VPS37B: variants seen among roughly 807,000 people sequenced by gnomAD.
VPS37B encodes vacuolar protein sorting-associated protein 37B.
In VPS37B, 11 loss-of-function variants were observed where a neutral mutation model predicts 21.2. The observed-to-expected ratio is 0.52, with a 90% confidence interval of 0.33 to 0.86. The LOEUF is 0.86. Ranked by LOEUF, VPS37B falls within the 40% of genes least tolerant of loss-of-function variation. The pLI, the probability that VPS37B is intolerant of heterozygous loss-of-function variation, is 0.03. For missense variants in VPS37B, 389 were observed against 374.8 expected (o/e 1.04, Z -0.31); for synonymous variants, 175 against 159.6 (o/e 1.10, Z -0.73).
chr12:122,874,172 C>T (rs1406528503), intron 1 of VPS37B: 1 of 152,266 alleles, frequency 6.6e-6, no homozygotes, highest in African/African-American at 2.4e-5. Context: ...TCCCACGCAA[C>T]CACTTGAAAG....
chr12:122,885,677 ATTATT>A (rs1353302411), intron 1 of VPS37B: 4 of 49,864 alleles, frequency 8.0e-5, no homozygotes, highest in African/African-American at 2.4e-4. Context: ...CATTATTATT[ATTATT>A]TTTTTTTTTT....
At chr12:122,869,014 G>A (rs2033966950) in intron 2 of VPS37B, among the ~76,000 whole-genome samples, 1 of 152,138 alleles carries the variant, frequency 6.6e-6, no homozygotes, top group Non-Finnish European at 1.5e-5. Context: ...GAGGAGGTCC[G>A]CCTGGTCTTG....
At chr12:122,888,206 C>T (rs1222556878) in intron 1 of VPS37B, 1 of 177,454 alleles carries the variant, frequency 5.6e-6, no homozygotes, top group South Asian at 9.3e-5. Context: ...TAATGGACTA[C>T]GTTCCTCACA....
chr12:122,890,380 G>A (rs1457858139), intron 1 of VPS37B, among the ~76,000 whole-genome samples: 1 of 150,686 alleles, frequency 6.6e-6, no homozygotes, highest in Admixed American at 6.6e-5. Flanking sequence ...CACCCAGGCT[G>A]AAGTGCAGTG....
chr12:122,866,383 A>G lies in VPS37B; in HGVS notation c.*733T>C, dbSNP rs2033900132. 6.6e-6 allele frequency: 1 copy of G among 152,592 alleles called. No individual in the cohort carries two copies. Among genetic ancestry groups the G allele is most frequent in the African/African-American group, 2.4e-5 (1 of 41,468 alleles). 9.5% of individuals were successfully genotyped at this position (152,592 alleles called of 1,614,324 possible). ...CACGTAGTAAAAATATTGGGGGATT[A>G]TTTCTTCATAGAAACCTTCAGGGCC... is the stretch of plus-strand genomic sequence containing the variant. On this transcript the variant is annotated 3_prime_UTR_variant, in exon 4 of 4. Transcript: ENST00000267202.
chr12:122,867,414 G>C lies in VPS37B; in HGVS notation c.560C>G (p.Ala187Gly). The change falls in exon 4 of 4, where the codon GCC becomes GGC. Residue 187 changes from alanine to glycine, a missense_variant. Transcript: ENST00000267202. The surrounding 1 kb of genome is among the most constrained non-coding windows in gnomAD (Gnocchi z 5.5). ...PPRLPELAPT[A>G]PLPYPAPEAS... ...CTCTGGGGCAGGGTAGGGAAGGGGG[G>C]CGGTAGGTGCCAGTTCGGGCAGCCT... 1 of 1,595,696 alleles carries C rather than the reference G, an allele frequency of 6.3e-7. No homozygotes were observed. The highest frequency in any genetic ancestry group is 1.4e-5 in the African/African-American group (1 of 73,702).
intron 1 of VPS37B, chr12:122,871,462 A>C (rs1366806952): frequency 2.0e-6 from 2 of 991,066 alleles, no homozygotes; most frequent in Non-Finnish European, 2.4e-6. Context: ...AAGTTAAGGA[A>C]TCACTTATCA....
chr12:122,868,031 C>T lies in VPS37B; in HGVS notation c.367-424G>A, dbSNP rs1296095426. Among the ~76,000 whole-genome samples, 1 of 152,232 alleles carries T rather than the reference C, an allele frequency of 6.6e-6. No homozygotes were observed. Among genetic ancestry groups the T allele is most frequent in the Non-Finnish European group, 1.5e-5 (1 of 68,038 alleles). ...GGGCTTCAGAGTTCATCGAGCCCAG[C>T]CCTATCTTGGCAAGACCCTGCCGGC... is the stretch of plus-strand genomic sequence containing the variant. On this transcript the variant is annotated intron_variant, in intron 3 of 3. Coordinates refer to ENST00000267202, the MANE Select transcript of VPS37B (RefSeq NM_024667.3). The surrounding 1 kb of genome is among the most constrained non-coding windows in gnomAD (Gnocchi z 5.5).
At chr12:122,894,924 C>G (rs1235253535) in intron 1 of VPS37B, among the ~76,000 whole-genome samples, 1 of 152,130 alleles carries the variant, frequency 6.6e-6, no homozygotes, top group Admixed American at 6.5e-5. Context: ...AGGAACCTTC[C>G]TTAGTCCCAG....
chr12:122,893,059 C>A (rs1372996286), intron 1 of VPS37B, among the ~76,000 whole-genome samples: 190 of 139,112 alleles, frequency 1.4e-3, no homozygotes, highest in South Asian at 1.6e-3. Context: ...GATCCTTTCT[C>A]AAAAAAAAAA....
At chr12:122,874,675 G>T (rs1483022341) in intron 1 of VPS37B, 1 of 151,974 alleles carries the variant, frequency 6.6e-6, no homozygotes, top group African/African-American at 2.4e-5. Flanking sequence ...GAGGCCGAGT[G>T]CGGTGGCTCA....
rs1391136225 is a variant in VPS37B, at chr12:122,867,479, C to A, written c.495G>T (p.Lys165Asn). The change falls in exon 4 of 4, where the codon AAG becomes AAT. Residue 165 changes from lysine (K) to asparagine (N), a missense_variant. Physicochemically the swap from Lys to Asn is moderately conservative, Grantham distance 94. Coordinates refer to ENST00000267202, the MANE Select transcript of VPS37B (RefSeq NM_024667.3). This position sits in a 1 kb window ranked among gnomAD's most constrained non-coding sequence, Gnocchi z 5.5. ...KIEKLQEMVL[K>N]GQRLPQALAP... ...CCAGGGCCTGTGGGAGTCTCTGCCC[C>A]TTTAGGACCATCTCCTGGAGCTTCT... The A allele has an allele frequency of 6.2e-7, 1 of 1,614,010 alleles. No individual in the cohort carries two copies. Among genetic ancestry groups the A allele is most frequent in the Non-Finnish European group, 8.5e-7 (1 of 1,180,008 alleles).
intron 1 of VPS37B, chr12:122,873,370 G>A (rs2034074561): frequency 6.6e-6 from 1 of 152,190 alleles, no homozygotes; most frequent in South Asian, 2.1e-4. Context: ...TCTCCTGCTG[G>A]TCTCACCTGG....
At chr12:122,894,406 G>A (rs974073914) in intron 1 of VPS37B, among the ~76,000 whole-genome samples, 1 of 152,260 alleles carries the variant, frequency 6.6e-6, no homozygotes, top group Non-Finnish European at 1.5e-5. Flanking sequence ...TGGCCTCTCT[G>A]TAGCTCCGGA....
intron 1 of VPS37B, chr12:122,871,873 G>GT: frequency 1.0e-6 from 1 of 985,274 alleles, no homozygotes; most frequent in South Asian, 4.7e-5. Flanking sequence ...AAACGCGTGG[G>GT]TACCCTAGTT....
rs1002413160 is a variant in VPS37B at position 122,865,379 on chromosome 12, A to G, written c.*1737T>C. 1 of 152,212 alleles carries G rather than the reference A, an allele frequency of 6.6e-6. No homozygotes were observed. Among genetic ancestry groups the G allele is most frequent in the African/African-American group, 2.4e-5 (1 of 41,446 alleles). The allele number at this position is 152,212 out of a possible 1,614,324, so 9.4% of individuals were successfully genotyped here. A position where few individuals can be genotyped will look rare whatever the true frequency, so the allele number is the denominator to read the frequency against. On this transcript the variant is annotated 3_prime_UTR_variant, in exon 4 of 4. Coordinates refer to ENST00000267202, the MANE Select transcript of VPS37B (RefSeq NM_024667.3). ...AAAAGGGTCCTACAGCTTTACAGCC[A>G]CAGCACCGGACACGGCCCTGGACAG...
chr12:122,883,303 C>G (rs2034275380), intron 1 of VPS37B: 1 of 152,188 alleles, frequency 6.6e-6, no homozygotes, highest in Non-Finnish European at 1.5e-5. Context: ...CCATATGTAG[C>G]TGACGTGAAT....
At chr12:122,878,082 C>T (rs112754136) in intron 1 of VPS37B, 3 of 152,136 alleles carry the variant, frequency 2.0e-5, no homozygotes, top group East Asian at 1.9e-4. Flanking sequence ...ACTGCTAGAC[C>T]GGGTGCGGTG....
intron 1 of VPS37B, chr12:122,886,174 G>C (rs148484221): frequency 6.6e-6 from 1 of 152,308 alleles, no homozygotes; most frequent in African/African-American, 2.4e-5. Context: ...TATGGAAGCA[G>C]ATGGGTATGT....
Sources: gnomAD v4.1 joint callset for allele counts (sites outside exome capture counted in the v4.1 genomes callset) on GRCh38, gnomAD v4.1.1 for gene constraint, Gnocchi (gnomAD v3.1) non-coding constraint, MANE v1.5 for transcripts, NCBI Gene and HGNC (gene_info 2026-07-23, HGNC 2026-07-21) for gene names.